GRM1: variants seen among roughly 807,000 people sequenced by gnomAD.
GRM1 encodes the protein glutamate metabotropic receptor 1.
A neutral mutation model predicts 90.9 loss-of-function variants in GRM1; 33 were observed. That is an observed-to-expected ratio of 0.36 (90% CI 0.28 to 0.49). The LOEUF (loss-of-function observed/expected upper bound fraction) is 0.49. Ranked by LOEUF, GRM1 falls within the 20% of genes least tolerant of loss-of-function variation. The probability of loss-of-function intolerance (pLI) is 0.99; values close to 1 mark genes in which losing one functional copy is unlikely to be tolerated. For synonymous variants in GRM1, 700 were observed against 613.2 expected, an observed-to-expected ratio of 1.14 and a Z score of -2.09; for missense variants, 1,190 against 1,534.3, an observed-to-expected ratio of 0.78 and a Z score of 3.75.
intron 2 of GRM1, among the ~76,000 whole-genome samples, chr6:146,266,917 T>C (rs1781910756): frequency 6.6e-6 from 1 of 152,222 alleles, no homozygotes; most frequent in African/African-American, 2.4e-5. Flanking sequence ...TAGGGGTACA[T>C]GTGCAGGATG....
At chr6:146,411,801 G>T (rs1777578495) in intron 7 of GRM1, among the ~76,000 whole-genome samples, 1 of 152,176 alleles carries the variant, frequency 6.6e-6, no homozygotes, top group Non-Finnish European at 1.5e-5. Flanking sequence ...ACATGCCTTT[G>T]CCTCAGGATT....
At chr6:146,351,943 A>G (rs1257450241) in intron 3 of GRM1, among the ~76,000 whole-genome samples, 4 of 152,230 alleles carry the variant, frequency 2.6e-5, no homozygotes. Context: ...AGTAAGAGTT[A>G]TTTCCATTAC....
chr6:146,376,916 T>C (rs929038756), intron 5 of GRM1, among the ~76,000 whole-genome samples: 1 of 152,038 alleles, frequency 6.6e-6, no homozygotes, highest in African/African-American at 2.4e-5. Flanking sequence ...GCTGTTCTCA[T>C]GATGGTGAAT....
At chr6:146,389,222 C>G (rs1776624526) in intron 6 of GRM1, among the ~76,000 whole-genome samples, 1 of 152,012 alleles carries the variant, frequency 6.6e-6, no homozygotes, top group Non-Finnish European at 1.5e-5. Context: ...GGAAAAAGCT[C>G]AAAGACAAAA....
chr6:146,065,379 C>T (rs145499097), intron 1 of GRM1, among the ~76,000 whole-genome samples: 44 of 152,224 alleles, frequency 2.9e-4, no homozygotes, highest in African/African-American at 1.0e-3. Context: ...CGCAGGTGGC[C>T]TTTGGTCCAA....
At chr6:146,362,668 A>C (rs867195645) in intron 5 of GRM1, among the ~76,000 whole-genome samples, 3,660 of 148,660 alleles carry the variant, frequency 0.025, 126 homozygotes, top group African/African-American at 0.082. Flanking sequence ...CCATCTCAAA[A>C]AAAAAAAAAA....
chr6:146,086,551 T>G (rs1171878748), intron 1 of GRM1, among the ~76,000 whole-genome samples: 2 of 151,972 alleles, frequency 1.3e-5, no homozygotes, highest in Admixed American at 6.6e-5. Flanking sequence ...TTTTCTTTCC[T>G]GGATAGGATA....
chr6:146,059,022 T>G (rs944344945), intron 1 of GRM1, among the ~76,000 whole-genome samples: 1 of 152,150 alleles, frequency 6.6e-6, no homozygotes, highest in African/African-American at 2.4e-5. Flanking sequence ...GGAATCAACT[T>G]CTTACAAACT....
At chr6:146,331,006 A>C (rs1784568912) in intron 3 of GRM1, among the ~76,000 whole-genome samples, 3 of 152,204 alleles carry the variant, frequency 2.0e-5, no homozygotes, top group Admixed American at 6.5e-5. Flanking sequence ...TGTGAGATGC[A>C]GAGACTGATA....
chr6:146,205,589 A>G (rs962202633), intron 2 of GRM1, among the ~76,000 whole-genome samples: 5 of 152,226 alleles, frequency 3.3e-5, no homozygotes, highest in African/African-American at 1.2e-4. Flanking sequence ...CTGAATTGTT[A>G]TCATAACAAT....
intron 3 of GRM1, among the ~76,000 whole-genome samples, chr6:146,324,786 A>G (rs1784345076): frequency 6.6e-6 from 1 of 152,190 alleles, no homozygotes; most frequent in South Asian, 2.1e-4. Context: ...GAGATGAGCC[A>G]GGTACCTCAG....
At chr6:146,410,489 TTTGAG>T in intron 7 of GRM1, among the ~76,000 whole-genome samples, 2 of 152,176 alleles carry the variant, frequency 1.3e-5, no homozygotes, top group East Asian at 3.9e-4. Flanking sequence ...TTTAATCAAG[TTTGAG>T]TGTAGGGGAG....
At chr6:146,178,726 T>G (rs1025301372) in intron 2 of GRM1, among the ~76,000 whole-genome samples, 6 of 152,276 alleles carry the variant, frequency 3.9e-5, no homozygotes, top group African/African-American at 1.4e-4. Flanking sequence ...AGCATCTAAT[T>G]TTTATGTATT....
chr6:146,152,897 T>A (rs141199269), intron 1 of GRM1, among the ~76,000 whole-genome samples: 14 of 152,304 alleles, frequency 9.2e-5, no homozygotes, highest in East Asian at 3.9e-4. Flanking sequence ...AGGTCACTTT[T>A]TTATATATTC....
At chr6:146,256,149 C>A (rs1269436999) in intron 2 of GRM1, among the ~76,000 whole-genome samples, 4 of 152,164 alleles carry the variant, frequency 2.6e-5, no homozygotes, top group Non-Finnish European at 5.9e-5. Flanking sequence ...GGATCTGCCA[C>A]TGTGAGCTAT....
At chr6:146,111,270 G>A (rs956393700) in intron 1 of GRM1, among the ~76,000 whole-genome samples, 1 of 152,174 alleles carries the variant, frequency 6.6e-6, no homozygotes, top group African/African-American at 2.4e-5. Context: ...CTGGGTTTGG[G>A]TTCAAATCCT....
chr6:146,241,156 G>A (rs187619747), intron 2 of GRM1, among the ~76,000 whole-genome samples: 2 of 152,202 alleles, frequency 1.3e-5, no homozygotes, highest in South Asian at 2.1e-4. Flanking sequence ...CTCATTACAC[G>A]ATTGAGATTT....
At chr6:146,140,089 T>TCTTCTTTCTTTC in intron 1 of GRM1, among the ~76,000 whole-genome samples, 1 of 64,160 alleles carries the variant, frequency 1.6e-5, no homozygotes, top group Non-Finnish European at 3.4e-5. Context: ...TTTCTTTCTT[T>TCTTCTTTCTTTC]ATTCTTTCTT....
chr6:146,043,586 G>A (rs1232012971), intron 1 of GRM1, among the ~76,000 whole-genome samples: 1 of 151,242 alleles, frequency 6.6e-6, no homozygotes. Context: ...CATCTTAATT[G>A]GTAATGAGAA....
Sources: allele counts gnomAD v4.1 joint callset (sites outside exome capture counted in the v4.1 genomes callset), GRCh38; gene constraint gnomAD v4.1.1; transcripts MANE v1.5; gene names NCBI Gene and HGNC (gene_info 2026-07-23, HGNC 2026-07-21).